HDLBP: variants seen among roughly 807,000 people sequenced by gnomAD.
HDLBP encodes vigilin.
A neutral mutation model predicts 137.3 loss-of-function variants in HDLBP; 30 were observed. The observed-to-expected ratio is 0.22, with a 90% CI of 0.16 to 0.30. HDLBP has a LOEUF of 0.30. Ranked by LOEUF, HDLBP falls within the 10% of genes least tolerant of loss-of-function variation. The probability of loss-of-function intolerance (pLI) is 1.00; values close to 1 mark genes in which losing one functional copy is unlikely to be tolerated. For synonymous variants in HDLBP, 606 were observed against 596.0 expected (o/e 1.02, Z -0.24); for missense variants, 1,119 against 1,667.3 (o/e 0.67, Z 5.73).
chr2:241,314,381 G>A lies in HDLBP; in HGVS notation c.-103+1189C>T, dbSNP rs114159292. On this transcript the variant is annotated intron_variant, in intron 1 of 27. Transcript: ENST00000310931. ...GAGCCTTAGACAAAACCCTAATTGTGACTTAACCTATCTTAATAGGGTTTT... is the reference window on the plus strand; with the variant it reads ...GAGCCTTAGACAAAACCCTAATTGTAACTTAACCTATCTTAATAGGGTTTT... 4.7e-3 allele frequency among the ~76,000 whole-genome samples: 713 copies of A among 152,228 alleles called. 3 individuals carry two copies. Among genetic ancestry groups the A allele is most frequent in the African/African-American group, 0.016 (684 of 41,538 alleles).
intron 1 of HDLBP, among the ~76,000 whole-genome samples, chr2:241,286,632 T>C (rs757856038): frequency 2.0e-5 from 3 of 152,204 alleles, no homozygotes; most frequent in Non-Finnish European, 4.4e-5. Context: ...CTGCCCACCT[T>C]GGGCACACGT....
chr2:241,230,967 GA>G lies in HDLBP; in HGVS notation c.3289-24del. On this transcript the variant is annotated intron_variant, in intron 24 of 27. Transcript: ENST00000310931. The surrounding 1 kb of genome is among the most constrained non-coding windows in gnomAD (Gnocchi z 5.0). The stretch of plus-strand genomic sequence containing the variant: ...GGGCTAAAAAAGGAGAATGTAGTCA[GA>G]AAAGGGGATGCCTTACTGGGATTCC... The G allele has an allele frequency of 6.2e-7, 1 of 1,604,038 alleles. No individual in the cohort carries two copies. The highest frequency in any genetic ancestry group is 8.5e-7 in the Non-Finnish European group (1 of 1,171,296).
chr2:241,256,116 G>C (rs896489832), intron 7 of HDLBP, 68 bp downstream of exon 7: 32 of 1,350,082 alleles, frequency 2.4e-5, no homozygotes, highest in South Asian at 7.2e-5. Flanking sequence ...GGCCTTAACT[G>C]AATCTCCAGA....
chr2:241,310,835 T>A (rs548186694), intron 1 of HDLBP, among the ~76,000 whole-genome samples: 2 of 152,254 alleles, frequency 1.3e-5, no homozygotes, highest in East Asian at 3.9e-4. Context: ...AAGAAAAGCC[T>A]CTGAGGCCAG....
Position 241,277,940 on chromosome 2 carries a change from A to G in HDLBP, c.-102-9399T>C, listed in dbSNP as rs2074456587. Among the ~76,000 whole-genome samples the G allele has an allele frequency of 2.0e-5, 3 of 152,092 alleles. No individual in the cohort carries two copies. In the South Asian group the frequency reaches 6.2e-4, roughly 32 times the overall value. ...CACGCCATTGCACTCCAGTCTGGGA[A>G]ACAAAAGTGAAACTCCATCTCAAAA... On this transcript the variant is annotated intron_variant, in intron 1 of 27. Coordinates refer to ENST00000310931, the MANE Select transcript of HDLBP (RefSeq NM_005336.6).
intron 21 of HDLBP, chr2:241,236,391 G>C: frequency 1.8e-6 from 1 of 570,458 alleles, no homozygotes; most frequent in Non-Finnish European, 3.1e-6. Flanking sequence ...AGCTGTCCCA[G>C]AAAGGGGCTA....
In HDLBP at chr2:241,229,015, G is replaced by T. The variant is rs974276056; in HGVS notation, c.*586C>A. ...TAAAATCAGGACTGCCTGAGAACCC[G>T]TCACCCTCTGCCTCTCAGGTCACCC... is the stretch of plus-strand genomic sequence containing the variant. On this transcript the variant is annotated 3_prime_UTR_variant, in exon 28 of 28. Transcript: ENST00000310931. 1.3e-5 allele frequency: 2 copies of T among 154,330 alleles called. No individual in the cohort carries two copies. Among genetic ancestry groups the T allele is most frequent in the Non-Finnish European group, 2.9e-5 (2 of 69,654 alleles). The allele number at this position is 154,330 out of a possible 1,614,324, so 9.6% of individuals were successfully genotyped here. A position where few individuals can be genotyped will look rare whatever the true frequency, so the allele number is the denominator to read the frequency against.
At position 241,272,634 on chromosome 2, in the gene HDLBP, C is replaced by A; in HGVS notation, c.-102-4093G>T. 1 of 971,878 alleles carries A rather than the reference C, an allele frequency of 1.0e-6. No homozygotes were observed. Among genetic ancestry groups the A allele is most frequent in the Non-Finnish European group, 1.2e-6 (1 of 818,942 alleles). 60.2% of individuals were successfully genotyped at this position (971,878 alleles called of 1,614,324 possible). ...CAGCCTGGGGCCCGGGTGGGGGCCG[C>A]GGCACCCGGGCCCCTCCCCCTCCGC... On this transcript the variant is annotated intron_variant, in intron 1 of 27. Transcript: ENST00000310931. The surrounding 1 kb of genome is among the most constrained non-coding windows in gnomAD (Gnocchi z 5.6).
intron 1 of HDLBP, among the ~76,000 whole-genome samples, chr2:241,302,281 A>T (rs1412421327): frequency 1.3e-5 from 2 of 152,132 alleles, no homozygotes; most frequent in African/African-American, 4.8e-5. Flanking sequence ...AGGCCAGGTT[A>T]GGTGGTTCAC....
chr2:241,252,875 G>A, intron 11 of HDLBP, 82 bp downstream of exon 11: 1 of 898,610 alleles, frequency 1.1e-6, no homozygotes. Context: ...TGTCTGCACG[G>A]ACGTCACAGT....
In HDLBP at chr2:241,230,177, G is replaced by A; in HGVS notation, c.3567C>T (p.His1189=). 1.9e-6 allele frequency: 3 copies of A among 1,613,556 alleles called. No homozygotes were observed. Among genetic ancestry groups the A allele is most frequent in the East Asian group, 2.2e-5 (1 of 44,874 alleles). Residue 1189 remains histidine, a synonymous_variant, in exon 26 of 28, where the codon CAC becomes CAT. Coordinates refer to ENST00000310931, the MANE Select transcript of HDLBP (RefSeq NM_005336.6). This position sits in a 1 kb window ranked among gnomAD's most constrained non-coding sequence, Gnocchi z 5.0. ...LPENVEEAID[H]ILNLEEEYLA... ...CGTATTCCTCCTCCAGATTGAGGAT[G>A]TGGTCGATGGCTTCCTCCACATTCT...
intron 1 of HDLBP, chr2:241,273,326 C>G: frequency 2.5e-6 from 2 of 799,586 alleles, no homozygotes; most frequent in Non-Finnish European, 3.0e-6. Flanking sequence ...TATCCCCACC[C>G]GATTCCTTGG....
chr2:241,310,902 G>A (rs1444845672), intron 1 of HDLBP, among the ~76,000 whole-genome samples: 1 of 152,062 alleles, frequency 6.6e-6, no homozygotes, highest in Non-Finnish European at 1.5e-5. Flanking sequence ...ATCACTTGAG[G>A]CCAGGAGTTC....
intron 1 of HDLBP, among the ~76,000 whole-genome samples, chr2:241,290,291 A>G (rs774852662): frequency 2.0e-5 from 3 of 152,224 alleles, no homozygotes; most frequent in Non-Finnish European, 2.9e-5. Flanking sequence ...GCAGAACAAG[A>G]GTAACAGCTC....
At chr2:241,231,002 G>A (rs1461644089) in intron 24 of HDLBP, 58 bp from the exon 25 acceptor site, 5 of 1,472,358 alleles carry the variant, frequency 3.4e-6, no homozygotes, top group Admixed American at 1.7e-5. Flanking sequence ...CCCGTCAGGG[G>A]CAAGAGCCGG....
chr2:241,251,510 T>C (rs2072170657), intron 11 of HDLBP, among the ~76,000 whole-genome samples: 1 of 152,204 alleles, frequency 6.6e-6, no homozygotes, highest in Non-Finnish European at 1.5e-5. Flanking sequence ...GTTATGCAGG[T>C]CGGTGTCCCA....
chr2:241,304,959 T>C (rs1366545895), intron 1 of HDLBP, among the ~76,000 whole-genome samples: 1 of 152,272 alleles, frequency 6.6e-6, no homozygotes, highest in Non-Finnish European at 1.5e-5. Context: ...TAATGCCTTT[T>C]GTGTTACCAT....
rs1191015277 is a variant in HDLBP at position 241,227,881 on chromosome 2, G to A, written c.*1720C>T. The A allele has an allele frequency of 6.6e-6, 1 of 152,184 alleles. No individual in the cohort carries two copies. The highest frequency in any genetic ancestry group is 2.4e-5 in the African/African-American group (1 of 41,420). 9.4% of individuals were successfully genotyped at this position (152,184 alleles called of 1,614,324 possible). ...CAGATCCCGGGAAAGGCAGGAAAAG[G>A]GCCTTGCTTTCTTTCCCTGTTTCCT... On this transcript the variant is annotated 3_prime_UTR_variant, in exon 28 of 28. Transcript: ENST00000310931.
intron 1 of HDLBP, among the ~76,000 whole-genome samples, chr2:241,288,069 T>C (rs1427851256): frequency 1.3e-5 from 2 of 152,208 alleles, no homozygotes; most frequent in Admixed American, 6.5e-5. Context: ...GAAAGCTCTG[T>C]ATTATATGAG....
Sources: gnomAD v4.1 joint callset for allele counts (sites outside exome capture counted in the v4.1 genomes callset) on GRCh38, gnomAD v4.1.1 for gene constraint, Gnocchi (gnomAD v3.1) non-coding constraint, MANE v1.5 for transcripts, NCBI Gene and HGNC (gene_info 2026-07-23, HGNC 2026-07-21) for gene names.